Variants in TRIOBP observed in about 807,000 individuals in gnomAD.
TRIOBP encodes the protein TRIO and F-actin-binding protein.
Under a neutral mutation model 238.8 loss-of-function variants are expected in TRIOBP, and 169 were observed. The ratio of observed to expected loss-of-function variants is 0.71; its 90% CI spans 0.62 to 0.80. The LOEUF is 0.80. TRIOBP is among the 30% of genes least tolerant of loss of function. TRIOBP has a pLI of 0.00. For synonymous variants in TRIOBP, 1,150 were observed against 1,274.4 expected (o/e 0.90, Z 2.08); for missense variants, 2,838 against 3,122.6 (o/e 0.91, Z 2.17).
chr22:37,763,591 A>G (rs1023329591), intron 17 of TRIOBP, among the ~76,000 whole-genome samples: 6 of 151,888 alleles, frequency 4.0e-5, no homozygotes, highest in African/African-American at 1.2e-4. Flanking sequence ...TTCCCTTTTT[A>G]ATGACCTTAA....
Position 37,734,830 on chromosome 22 carries a change from C to T in TRIOBP, c.4494C>T (p.Pro1498=). 1 of 1,612,684 alleles carries T rather than the reference C, an allele frequency of 6.2e-7. No homozygotes were observed. The highest frequency in any genetic ancestry group is 8.5e-7 in the Non-Finnish European group (1 of 1,179,910). The change falls in exon 9 of 24, where the codon CCC becomes CCT. Residue 1498 remains proline, a synonymous_variant. Coordinates refer to ENST00000644935, the MANE Select transcript of TRIOBP (RefSeq NM_001039141.3). ...WGQPEAWEEK[P]THELPRELGK... is the part of the protein sequence containing the mutation. ...AGCCAGAGGCCTGGGAGGAGAAGCC[C>T]ACTCATGAGCTCCCCAGAGAACTAG...
chr22:37,765,060 A>G (rs1362652176), intron 17 of TRIOBP, among the ~76,000 whole-genome samples: 4 of 152,228 alleles, frequency 2.6e-5, no homozygotes, highest in Non-Finnish European at 5.9e-5. Flanking sequence ...AGGCCGGCAG[A>G]TCACAAGGTC....
chr22:37,718,226 C>T (rs1471433245), intron 6 of TRIOBP, among the ~76,000 whole-genome samples: 1 of 152,226 alleles, frequency 6.6e-6, no homozygotes, highest in Non-Finnish European at 1.5e-5. Context: ...CCTCTCCCTC[C>T]ACACCTCCGT....
chr22:37,764,236 G>A (rs1178192439), intron 17 of TRIOBP, among the ~76,000 whole-genome samples: 3 of 152,186 alleles, frequency 2.0e-5, no homozygotes, highest in African/African-American at 4.8e-5. Flanking sequence ...GTAAGATGTG[G>A]ACAACTTTGA....
chr22:37,737,343 C>T (rs1356445897), intron 9 of TRIOBP, among the ~76,000 whole-genome samples: 2 of 152,102 alleles, frequency 1.3e-5, no homozygotes, highest in African/African-American at 4.8e-5. Context: ...GCTGGGGCTC[C>T]AGCTGCTCCT....
chr22:37,716,725 G>A (rs1220335907), intron 6 of TRIOBP, among the ~76,000 whole-genome samples: 1 of 152,228 alleles, frequency 6.6e-6, no homozygotes, highest in Non-Finnish European at 1.5e-5. Context: ...TCTCTAAATA[G>A]TAGGGAGCCA....
intron 11 of TRIOBP, among the ~76,000 whole-genome samples, chr22:37,746,703 C>G (rs959271230): frequency 3.3e-5 from 5 of 152,246 alleles, no homozygotes; most frequent in African/African-American, 4.8e-5. Flanking sequence ...CTCACACTTG[C>G]GGCACCAGTC....
At chr22:37,730,216 T>C (rs529096498) in intron 7 of TRIOBP, among the ~76,000 whole-genome samples, 8 of 152,268 alleles carry the variant, frequency 5.3e-5, no homozygotes, top group African/African-American at 1.7e-4. Context: ...GAAGGAAACG[T>C]TTCCTTTGTC....
intron 3 of TRIOBP, among the ~76,000 whole-genome samples, chr22:37,702,661 A>C (rs1299114935): frequency 3.1e-5 from 2 of 65,336 alleles, no homozygotes; most frequent in African/African-American, 1.7e-4. Context: ...TTTTTTTTGG[A>C]GATAGGGTCT....
intron 7 of TRIOBP, among the ~76,000 whole-genome samples, chr22:37,731,977 A>G (rs894741323): frequency 6.6e-6 from 1 of 152,222 alleles, no homozygotes; most frequent in Non-Finnish European, 1.5e-5. Flanking sequence ...AGGCCTGAGC[A>G]GAGTTTCCTC....
chr22:37,739,312 G>A (rs79355847), intron 10 of TRIOBP, among the ~76,000 whole-genome samples: 3,234 of 152,256 alleles, frequency 0.021, 49 homozygotes, highest in Non-Finnish European at 0.034. Flanking sequence ...GTTGAGGGCC[G>A]TGGGGCAGTG....
chr22:37,714,461 G>T (rs1197432273), intron 5 of TRIOBP, among the ~76,000 whole-genome samples: 2 of 152,204 alleles, frequency 1.3e-5, no homozygotes, highest in Non-Finnish European at 2.9e-5. Context: ...CTGAAGTCAG[G>T]AGATCGAGAC....
intron 5 of TRIOBP, among the ~76,000 whole-genome samples, 172 bp downstream of exon 5, chr22:37,713,583 G>T (rs151255193): frequency 2.6e-5 from 4 of 152,344 alleles, no homozygotes; most frequent in African/African-American, 9.6e-5. Flanking sequence ...CCTGGAGAGT[G>T]GGGATTTCTG....
intron 5 of TRIOBP, 90 bp downstream of exon 5, chr22:37,713,501 G>A (rs1923364071): frequency 6.7e-7 from 1 of 1,495,076 alleles, no homozygotes; most frequent in Non-Finnish European, 9.2e-7. Flanking sequence ...GGCCAGGGCT[G>A]AGCCTCACAC....
chr22:37,763,913 T>C (rs1191522759), intron 17 of TRIOBP, among the ~76,000 whole-genome samples: 1 of 152,256 alleles, frequency 6.6e-6, no homozygotes, highest in African/African-American at 2.4e-5. Flanking sequence ...ATCCCTTGCC[T>C]GCTCCAGCTT....
chr22:37,718,116 GC>G (rs1332741770), intron 6 of TRIOBP, among the ~76,000 whole-genome samples: 3 of 152,154 alleles, frequency 2.0e-5, no homozygotes, highest in Non-Finnish European at 4.4e-5. Flanking sequence ...GGCCGGCAGG[GC>G]CAGCCGGCCG....
intron 7 of TRIOBP, among the ~76,000 whole-genome samples, chr22:37,730,563 G>A (rs1454242153): frequency 1.3e-5 from 2 of 152,052 alleles, no homozygotes; most frequent in East Asian, 1.9e-4. Context: ...TTGCTTCATC[G>A]AAGCTCCTAT....
In TRIOBP at chr22:37,705,995, G is replaced by A. The variant is rs1204971118; in HGVS notation, c.115-4432G>A. On this transcript the variant is annotated intron_variant, in intron 3 of 23. Coordinates refer to ENST00000644935, the MANE Select transcript of TRIOBP (RefSeq NM_001039141.3). ...GTGGTGAGAGTGAATCAGGTGACCC[G>A]CCAGGAAAAGGTGCACGTACTCATC... is the stretch of plus-strand genomic sequence containing the variant. 4.6e-5 allele frequency among the ~76,000 whole-genome samples: 7 copies of A among 152,240 alleles called. No homozygotes were observed. In the East Asian group the frequency reaches 5.8e-4, roughly 13 times the overall value.
At chr22:37,743,846 CTGGGTGTGTG>C (rs1925080291) in intron 11 of TRIOBP, among the ~76,000 whole-genome samples, 1 of 59,012 alleles carries the variant, frequency 1.7e-5, no homozygotes, top group Admixed American at 2.2e-4. Flanking sequence ...TGTGTGTGTG[CTGGGTGTGTG>C]TGAGTGTGTG....
Sources: gnomAD v4.1 joint callset for allele counts (sites outside exome capture counted in the v4.1 genomes callset) on GRCh38, gnomAD v4.1.1 for gene constraint, MANE v1.5 for transcripts, NCBI Gene and HGNC (gene_info 2026-07-23, HGNC 2026-07-21) for gene names.